OPCML: variants seen among roughly 807,000 people sequenced by gnomAD.
The protein encoded by OPCML is opioid binding protein/cell adhesion molecule like.
Under a neutral mutation model 37.8 loss-of-function variants are expected in OPCML, and 13 were observed. That is an observed-to-expected ratio of 0.34 (90% CI 0.22 to 0.55). The LOEUF is 0.55. Ranked by LOEUF, OPCML falls within the 20% of genes least tolerant of loss-of-function variation. The pLI, the probability that OPCML is intolerant of heterozygous loss-of-function variation, is 0.91. For synonymous variants in OPCML, 176 were observed against 168.8 expected, an observed-to-expected ratio of 1.04 and a Z score of -0.33; for missense variants, 341 against 435.6, an observed-to-expected ratio of 0.78 and a Z score of 1.93.
chr11:133,404,055 C>G (rs1031969517), intron 1 of OPCML, among the ~76,000 whole-genome samples: 14 of 152,340 alleles, frequency 9.2e-5, no homozygotes, highest in African/African-American at 3.4e-4. Flanking sequence ...CCCCTAGAGG[C>G]CCGGAGGGAG....
chr11:133,124,316 A>T (rs561889243), intron 1 of OPCML, among the ~76,000 whole-genome samples: 130 of 152,238 alleles, frequency 8.5e-4, no homozygotes, highest in African/African-American at 3.0e-3. Context: ...GGCTCTTTGC[A>T]AAGCTCTCAG....
intron 1 of OPCML, among the ~76,000 whole-genome samples, chr11:133,204,886 A>ATGTGTG (rs1230785550): frequency 3.3e-4 from 14 of 42,602 alleles, no homozygotes; most frequent in African/African-American, 9.1e-4. Context: ...ATATATATAT[A>ATGTGTG]TATATATATA....
intron 1 of OPCML, among the ~76,000 whole-genome samples, chr11:133,033,304 A>G (rs978875510): frequency 6.6e-6 from 1 of 152,200 alleles, no homozygotes; most frequent in Non-Finnish European, 1.5e-5. Context: ...AGCTGACAAC[A>G]AATGCCATCC....
chr11:133,158,977 G>A (rs1325684464), intron 1 of OPCML, among the ~76,000 whole-genome samples: 1 of 152,104 alleles, frequency 6.6e-6, no homozygotes, highest in Non-Finnish European at 1.5e-5. Context: ...CACTCAGGTG[G>A]CATGTTCCCT....
intron 1 of OPCML, among the ~76,000 whole-genome samples, chr11:133,190,399 C>A (rs926936749): frequency 6.6e-6 from 1 of 152,126 alleles, no homozygotes; most frequent in Non-Finnish European, 1.5e-5. Flanking sequence ...CCATGAATTC[C>A]TGTTGCTCTC....
intron 3 of OPCML, among the ~76,000 whole-genome samples, chr11:132,537,512 T>C (rs2096344008): frequency 6.6e-6 from 1 of 152,192 alleles, no homozygotes; most frequent in South Asian, 2.1e-4. Context: ...ATGTAGCCTT[T>C]GATTAGGTGA....
chr11:132,763,495 C>A (rs146297793), intron 2 of OPCML, among the ~76,000 whole-genome samples: 1 of 152,096 alleles, frequency 6.6e-6, no homozygotes, highest in Non-Finnish European at 1.5e-5. Flanking sequence ...TTCCACTATG[C>A]GTTGTGGCTT....
intron 1 of OPCML, among the ~76,000 whole-genome samples, chr11:133,047,273 G>A (rs536370197): frequency 2.0e-5 from 3 of 152,384 alleles, no homozygotes; most frequent in Non-Finnish European, 2.9e-5. Context: ...ATAGAGCCAT[G>A]AGTGTTCCTC....
chr11:133,170,435 T>C (rs1950273407), intron 1 of OPCML, among the ~76,000 whole-genome samples: 1 of 152,078 alleles, frequency 6.6e-6, no homozygotes, highest in Admixed American at 6.5e-5. Flanking sequence ...GCAGTCAGCC[T>C]AGATCGTGCC....
intron 3 of OPCML, among the ~76,000 whole-genome samples, chr11:132,635,779 C>T (rs1292472639): frequency 6.6e-6 from 1 of 152,106 alleles, no homozygotes; most frequent in Non-Finnish European, 1.5e-5. Flanking sequence ...TTCACTCCAC[C>T]CCACTGCCCT....
intron 3 of OPCML, among the ~76,000 whole-genome samples, chr11:132,639,321 C>T (rs550600940): frequency 6.6e-6 from 1 of 152,282 alleles, no homozygotes; most frequent in East Asian, 1.9e-4. Context: ...GAGGCATGCT[C>T]TCAAAATGTG....
intron 2 of OPCML, among the ~76,000 whole-genome samples, chr11:132,892,701 A>C (rs1943698238): frequency 6.6e-6 from 1 of 152,226 alleles, no homozygotes; most frequent in Non-Finnish European, 1.5e-5. Flanking sequence ...TGGGAGGCAG[A>C]GGGTGCGGTG....
chr11:132,789,000 C>A (rs1404302227), intron 2 of OPCML, among the ~76,000 whole-genome samples: 1 of 152,162 alleles, frequency 6.6e-6, no homozygotes, highest in East Asian at 1.9e-4. Flanking sequence ...GACTTTCTTT[C>A]CTTTGTATGC....
chr11:132,925,921 T>C (rs1393973057), intron 2 of OPCML, among the ~76,000 whole-genome samples: 1 of 152,206 alleles, frequency 6.6e-6, no homozygotes, highest in African/African-American at 2.4e-5. Flanking sequence ...TCTTGCTTAT[T>C]CTGGCCCAGT....
intron 2 of OPCML, among the ~76,000 whole-genome samples, chr11:132,804,136 C>T (rs886314230): frequency 6.6e-6 from 1 of 152,060 alleles, no homozygotes; most frequent in Non-Finnish European, 1.5e-5. Context: ...GAAGGTGAGC[C>T]CCACAGTTCG....
chr11:132,822,837 C>A (rs1184867652), intron 2 of OPCML, among the ~76,000 whole-genome samples: 2 of 152,060 alleles, frequency 1.3e-5, no homozygotes, highest in Non-Finnish European at 2.9e-5. Context: ...TGGTTTCTAC[C>A]CTTTCTGACT....
At chr11:133,020,189 G>T (rs1337748745) in intron 1 of OPCML, among the ~76,000 whole-genome samples, 1 of 152,122 alleles carries the variant, frequency 6.6e-6, no homozygotes, top group Non-Finnish European at 1.5e-5. Context: ...AGGGCTGCTG[G>T]GTATTCTACA....
chr11:132,861,564 C>T lies in OPCML; in HGVS notation c.146+81362G>A, dbSNP rs1480461806. ...TTAAAACTGCTTTTTTGGCTGGGCG[C>T]GGTGGCTCACGCCTGTAATCCCAGC... On this transcript the variant is annotated intron_variant, in intron 2 of 7. Coordinates refer to ENST00000524381, the MANE Select transcript of OPCML (RefSeq NM_001012393.5). Among the ~76,000 whole-genome samples the T allele has an allele frequency of 5.9e-5, 9 of 152,208 alleles. 1 individual carries two copies. In the South Asian group the frequency reaches 6.2e-4, roughly 11 times the overall value.
chr11:133,373,127 T>G (rs1033144710), intron 1 of OPCML, among the ~76,000 whole-genome samples: 2 of 152,060 alleles, frequency 1.3e-5, no homozygotes, highest in Admixed American at 6.6e-5. Flanking sequence ...GCTCTTACGT[T>G]ATAAAAACTG....
Sources: gnomAD v4.1 joint callset for allele counts (sites outside exome capture counted in the v4.1 genomes callset) on GRCh38, gnomAD v4.1.1 for gene constraint, MANE v1.5 for transcripts, NCBI Gene and HGNC (gene_info 2026-07-23, HGNC 2026-07-21) for gene names.